Variants in SNX29 observed in about 807,000 individuals in gnomAD.
SNX29 encodes sorting nexin 29.
In SNX29, 78 loss-of-function variants were observed where a neutral mutation model predicts 102.1. The observed-to-expected ratio is 0.76, with a 90% CI of 0.64 to 0.92. SNX29 has a LOEUF of 0.92. Among genes scored for constraint, SNX29 ranks in the 40% least tolerant of loss-of-function variants. The pLI is 0.00. For missense variants in SNX29, 1,280 were observed against 1,061.7 expected, an observed-to-expected ratio of 1.21 and a Z score of -2.86; for synonymous variants, 580 against 414.5, an observed-to-expected ratio of 1.40 and a Z score of -4.85.
intron 19 of SNX29, among the ~76,000 whole-genome samples, chr16:12,512,138 A>C (rs1248047385): frequency 6.6e-6 from 1 of 150,916 alleles, no homozygotes; most frequent in Non-Finnish European, 1.5e-5. Flanking sequence ...GGCAGCAACC[A>C]GCTGTCCCCC....
At chr16:12,470,362 G>C (rs951685815) in intron 18 of SNX29, among the ~76,000 whole-genome samples, 1 of 152,204 alleles carries the variant, frequency 6.6e-6, no homozygotes, top group Non-Finnish European at 1.5e-5. Context: ...ATGTCAGCGG[G>C]TTTCTCTGTG....
chr16:12,128,739 A>C (rs2054328708), intron 12 of SNX29, among the ~76,000 whole-genome samples: 1 of 152,138 alleles, frequency 6.6e-6, no homozygotes, highest in Non-Finnish European at 1.5e-5. Flanking sequence ...GGCGTGAGCC[A>C]CCCTGCCCGG....
At chr16:12,249,496 G>A (rs1244844938) in intron 14 of SNX29, among the ~76,000 whole-genome samples, 1 of 152,212 alleles carries the variant, frequency 6.6e-6, no homozygotes, top group Non-Finnish European at 1.5e-5. Flanking sequence ...GACTGCACAA[G>A]CGTGTGGATC....
At chr16:12,497,213 GC>G (rs1007737170) in intron 19 of SNX29, among the ~76,000 whole-genome samples, 3 of 152,220 alleles carry the variant, frequency 2.0e-5, no homozygotes, top group Admixed American at 1.3e-4. Context: ...TGGCAGAAAG[GC>G]CCTGAAGTAA....
intron 20 of SNX29, among the ~76,000 whole-genome samples, chr16:12,545,055 G>A (rs183842156): frequency 1.9e-3 from 285 of 152,290 alleles, no homozygotes; most frequent in African/African-American, 6.5e-3. Context: ...CCCTGCTCCT[G>A]TAGCATAGCC....
chr16:12,456,415 A>T (rs2086539804), intron 18 of SNX29, among the ~76,000 whole-genome samples: 1 of 152,228 alleles, frequency 6.6e-6, no homozygotes, highest in Non-Finnish European at 1.5e-5. Flanking sequence ...ATTGCTCATT[A>T]TACCAAATGC....
At chr16:12,128,268 C>T (rs1183211529) in intron 12 of SNX29, among the ~76,000 whole-genome samples, 2 of 152,126 alleles carry the variant, frequency 1.3e-5, no homozygotes, top group Non-Finnish European at 2.9e-5. Flanking sequence ...TTGTGAAGAA[C>T]AATAGTCACT....
At position 12,571,105 on chromosome 16, in the gene SNX29, G is replaced by C; in HGVS notation, c.*2476G>C. The C allele has an allele frequency of 4.3e-6, 1 of 232,572 alleles. No individual in the cohort carries two copies. The highest frequency in any genetic ancestry group is 8.5e-6 in the Non-Finnish European group (1 of 117,620). 14.4% of individuals were successfully genotyped at this position (232,572 alleles called of 1,614,324 possible). ...GCAACTCCCCGAAGCCTTCCCTTTG[G>C]AATCCCATAGAATGTTCTGCAATGA... On this transcript the variant is annotated 3_prime_UTR_variant, in exon 21 of 21. Transcript: ENST00000566228.
In SNX29 at chr16:11,979,169, G is replaced by C. The variant is rs530212566; in HGVS notation, c.7+2356G>C. Reference sequence around the variant, plus strand: ...AGGCGCCTGTAATCGCAGCTACTCGGGAGGCTGAGGGATGAGAATCTCTTG... The same window carrying C: ...AGGCGCCTGTAATCGCAGCTACTCGCGAGGCTGAGGGATGAGAATCTCTTG... On this transcript the variant is annotated intron_variant, in intron 1 of 20. Coordinates refer to ENST00000566228, the MANE Select transcript of SNX29 (RefSeq NM_032167.5). Among the ~76,000 whole-genome samples the C allele has an allele frequency of 2.7e-5, 4 of 149,834 alleles. No individual in the cohort carries two copies. The South Asian group carries it at 8.4e-4, about 32-fold the overall frequency.
rs184876421 is a variant in SNX29 at position 12,001,772 on chromosome 16, C to A, written c.70-1219C>A. 5.4e-4 allele frequency among the ~76,000 whole-genome samples: 82 copies of A among 152,208 alleles called. 1 individual carries two copies. The East Asian group carries it at 0.015, about 28-fold the overall frequency. On this transcript the variant is annotated intron_variant, in intron 2 of 20. Transcript: ENST00000566228. Reference sequence around the variant, plus strand: ...GTGGCTCACACCTGTAATCCCAGTGCTTTGAGAGGTTGGGGCAGGAGGATA... The same window carrying A: ...GTGGCTCACACCTGTAATCCCAGTGATTTGAGAGGTTGGGGCAGGAGGATA...
At chr16:12,394,643 G>C (rs1322396111) in intron 16 of SNX29, among the ~76,000 whole-genome samples, 2 of 152,158 alleles carry the variant, frequency 1.3e-5, no homozygotes, top group African/African-American at 2.4e-5. Context: ...AGTTGGTGCT[G>C]GCTATCCACT....
In SNX29 at chr16:12,017,094, A is replaced by G. The variant is rs143773430; in HGVS notation, c.123-10226A>G. On this transcript the variant is annotated intron_variant, in intron 3 of 20. Coordinates refer to ENST00000566228, the MANE Select transcript of SNX29 (RefSeq NM_032167.5). ...CGGTGAGCCATGATTTTGCCACTGC[A>G]CTCCAGTGTGGGTGACAGAATGAGA... Among the ~76,000 whole-genome samples, 26 of 152,282 alleles carry G rather than the reference A, an allele frequency of 1.7e-4. No homozygotes were observed. The East Asian group carries it at 5.0e-3, about 29-fold the overall frequency.
At chr16:12,173,390 C>A (rs1243298144) in intron 13 of SNX29, among the ~76,000 whole-genome samples, 3 of 152,170 alleles carry the variant, frequency 2.0e-5, no homozygotes, top group Non-Finnish European at 4.4e-5. Flanking sequence ...CACAAGCAGG[C>A]ACAGATACTG....
In SNX29 at chr16:12,062,571, A is replaced by ACAGCATCTGGCT. The variant is rs558169986; in HGVS notation, c.1243+929_1243+940dup. ...TGGGGTGCAGTGTAATGCAGCTGGC[A>ACAGCATCTGGCT]CAGCATCTGGCTCAGAGAAGTGCCC... On this transcript the variant is annotated intron_variant, in intron 9 of 20. Transcript: ENST00000566228. Among the ~76,000 whole-genome samples the ACAGCATCTGGCT allele has an allele frequency of 6.2e-3, 947 of 152,146 alleles. 3 individuals are homozygous for ACAGCATCTGGCT. Among genetic ancestry groups the ACAGCATCTGGCT allele is most frequent in the Middle Eastern group, 0.014 (4 of 294 alleles).
chr16:12,254,511 C>T (rs1001965885), intron 14 of SNX29, among the ~76,000 whole-genome samples: 5 of 151,944 alleles, frequency 3.3e-5, no homozygotes, highest in Admixed American at 1.3e-4. Flanking sequence ...CGTGGTGGTG[C>T]GCACCTGTAA....
intron 15 of SNX29, among the ~76,000 whole-genome samples, chr16:12,292,500 C>T (rs2079832632): frequency 6.6e-6 from 1 of 152,198 alleles, no homozygotes; most frequent in South Asian, 2.1e-4. Flanking sequence ...CTTAAGTCCC[C>T]AGCCAGTCAT....
intron 19 of SNX29, among the ~76,000 whole-genome samples, chr16:12,489,576 T>C (rs910488272): frequency 1.3e-5 from 2 of 152,246 alleles, no homozygotes; most frequent in Non-Finnish European, 2.9e-5. Context: ...CAGCATGGGC[T>C]GTGGTGAAGA....
rs533564424 is a variant in SNX29 at position 12,563,666 on chromosome 16, C to G, written c.2319-4840C>G. Among the ~76,000 whole-genome samples the G allele has an allele frequency of 6.2e-4, 94 of 152,290 alleles. 1 individual carries two copies. Among genetic ancestry groups the G allele is most frequent in the African/African-American group, 2.1e-3 (89 of 41,558 alleles). Reference sequence around the variant, plus strand: ...GTAGGAACTGAGTCTTTTCAATTCCCCGAGAGCCCATGATGGGGTCTGGCC... The same window carrying G: ...GTAGGAACTGAGTCTTTTCAATTCCGCGAGAGCCCATGATGGGGTCTGGCC... On this transcript the variant is annotated intron_variant, in intron 20 of 20. Transcript: ENST00000566228.
intron 11 of SNX29, 104 bp downstream of exon 11, chr16:12,079,019 C>G: frequency 2.1e-6 from 2 of 957,680 alleles, no homozygotes; most frequent in Non-Finnish European, 1.6e-6. Flanking sequence ...GGGTTCACGT[C>G]AGGTGTGTAC....
Sources: allele counts gnomAD v4.1 joint callset (sites outside exome capture counted in the v4.1 genomes callset), GRCh38; gene constraint gnomAD v4.1.1; transcripts MANE v1.5; gene names NCBI Gene and HGNC (gene_info 2026-07-23, HGNC 2026-07-21).